The following MED12L variants were observed in gnomAD, a reference collection of about 807,000 sequenced individuals.
The protein encoded by MED12L is mediator complex subunit 12L, also known as mediator of RNA polymerase II transcription subunit 12-like protein.
In MED12L, 60 loss-of-function variants were observed where a neutral mutation model predicts 281.3. The observed-to-expected ratio is 0.21, with a 90% confidence interval of 0.17 to 0.26. The LOEUF is 0.26. Ranked by LOEUF, MED12L falls within the 10% of genes least tolerant of loss-of-function variation. The pLI, the probability that MED12L is intolerant of heterozygous loss-of-function variation, is 1.00. For synonymous variants in MED12L, 974 were observed against 987.2 expected, an observed-to-expected ratio of 0.99 and a Z score of 0.25; for missense variants, 2,146 against 2,680.9, an observed-to-expected ratio of 0.80 and a Z score of 4.41.
chr3:151,269,276 T>C (rs1740414292), intron 16 of MED12L, among the ~76,000 whole-genome samples: 2 of 152,096 alleles, frequency 1.3e-5, no homozygotes, highest in Admixed American at 6.5e-5. Flanking sequence ...GGTGCATGCC[T>C]GTAATCCCAG....
chr3:151,390,153 A>G lies in MED12L; in HGVS notation c.5608+18A>G, dbSNP rs1339322659. On this transcript the variant is annotated intron_variant, in intron 38 of 44. Transcript: ENST00000687756. ...TACTCCAGGTATGTGATGAGAAAGC[A>G]CAGATCACTCAGAGATGAGAAACAG... The G allele has an allele frequency of 6.2e-7, 1 of 1,613,248 alleles. No individual in the cohort carries two copies. The highest frequency in any genetic ancestry group is 1.7e-5 in the Admixed American group (1 of 60,016).
chr3:151,299,785 G>A (rs1262456911), intron 16 of MED12L, among the ~76,000 whole-genome samples: 2 of 152,032 alleles, frequency 1.3e-5, no homozygotes, highest in East Asian at 3.9e-4. Context: ...TTTAGTTTGT[G>A]TTTAAAATCT....
chr3:151,100,941 G>A (rs1002584731), intron 2 of MED12L, among the ~76,000 whole-genome samples: 3 of 152,140 alleles, frequency 2.0e-5, no homozygotes, highest in Non-Finnish European at 2.9e-5. Context: ...TAACTGTGGC[G>A]AAGGATCAGT....
chr3:151,123,826 C>T (rs916441500), intron 4 of MED12L, among the ~76,000 whole-genome samples: 2 of 152,172 alleles, frequency 1.3e-5, no homozygotes. Flanking sequence ...TCCAAAGCAA[C>T]TCTTTGAAAA....
intron 2 of MED12L, among the ~76,000 whole-genome samples, chr3:151,094,062 TTA>T (rs1474354876): frequency 6.6e-6 from 1 of 152,174 alleles, no homozygotes; most frequent in African/African-American, 2.4e-5. Flanking sequence ...GTTGAACCAG[TTA>T]ATAGTGCCAC....
At chr3:151,227,832 T>G (rs1730839214) in intron 16 of MED12L, among the ~76,000 whole-genome samples, 1 of 152,224 alleles carries the variant, frequency 6.6e-6, no homozygotes, top group Admixed American at 6.5e-5. Context: ...ACTGTTTTTT[T>G]CGGTTTCAGT....
At chr3:151,273,414 T>TG (rs1741335742) in intron 16 of MED12L, among the ~76,000 whole-genome samples, 1 of 147,312 alleles carries the variant, frequency 6.8e-6, no homozygotes, top group South Asian at 2.1e-4. Context: ...TTTTTTTTTT[T>TG]TTTTTTTTAG....
chr3:151,159,611 A>G (rs1242499351), intron 7 of MED12L, among the ~76,000 whole-genome samples: 1 of 152,260 alleles, frequency 6.6e-6, no homozygotes, highest in Non-Finnish European at 1.5e-5. Flanking sequence ...GCTAAATAAA[A>G]TACATTATTC....
intron 16 of MED12L, chr3:151,294,083 T>C: frequency 4.7e-6 from 4 of 851,712 alleles, no homozygotes; most frequent in Non-Finnish European, 7.5e-6. Context: ...TTTGAATTCA[T>C]ATTTTTGATG....
chr3:151,354,446 G>T (rs1233278790), intron 17 of MED12L, among the ~76,000 whole-genome samples: 1 of 151,944 alleles, frequency 6.6e-6, no homozygotes, highest in Non-Finnish European at 1.5e-5. Context: ...ATTAAAAAAG[G>T]AATCATGTAA....
At chr3:151,416,853 G>T (rs1261368735) in intron 43 of MED12L, among the ~76,000 whole-genome samples, 1 of 152,146 alleles carries the variant, frequency 6.6e-6, no homozygotes, top group Non-Finnish European at 1.5e-5. Flanking sequence ...TTTTCATTCA[G>T]TTAGCACTTG....
chr3:151,380,078 A>G (rs1434250209), intron 31 of MED12L, 35 bp from the exon 32 acceptor site: 17 of 1,314,640 alleles, frequency 1.3e-5, no homozygotes, highest in Non-Finnish European at 1.8e-5. Flanking sequence ...CATTATTTCT[A>G]ACTAGATCTG....
At chr3:151,166,130 C>A (rs999273867) in intron 11 of MED12L, 148 bp downstream of exon 11, 5 of 609,342 alleles carry the variant, frequency 8.2e-6, no homozygotes, top group South Asian at 2.8e-5. Flanking sequence ...TATTGTTGGA[C>A]TAAGATTACC....
At chr3:151,175,454 G>T (rs1244880614) in intron 11 of MED12L, among the ~76,000 whole-genome samples, 1 of 152,078 alleles carries the variant, frequency 6.6e-6, no homozygotes, top group African/African-American at 2.4e-5. Flanking sequence ...GTTAGCTGTT[G>T]CTGATAGTAA....
rs1247880179 is a variant in MED12L at position 151,219,478 on chromosome 3, G to A, written c.2250+25812G>A. 12 of 152,218 alleles carry A rather than the reference G, an allele frequency of 7.9e-5. No individual in the cohort carries two copies. The South Asian group carries it at 2.5e-3, about 32-fold the overall frequency. 9.4% of individuals were successfully genotyped at this position (152,218 alleles called of 1,614,324 possible). A position where few individuals can be genotyped will look rare whatever the true frequency, so the allele number is the denominator to read the frequency against. On this transcript the variant is annotated intron_variant, in intron 16 of 44. Transcript: ENST00000687756. ...TGAAGAAAAGAATTTTTTCTTCATAGCACTTCGATGAAATTAACAAAGCTC... is the reference window on the plus strand; with the variant it reads ...TGAAGAAAAGAATTTTTTCTTCATAACACTTCGATGAAATTAACAAAGCTC...
intron 16 of MED12L, among the ~76,000 whole-genome samples, chr3:151,251,745 A>G (rs1736897731): frequency 6.6e-6 from 1 of 152,186 alleles, no homozygotes; most frequent in Non-Finnish European, 1.5e-5. Context: ...TGCCTAGAAC[A>G]GCTCTCTGGA....
Position 151,313,721 on chromosome 3 carries a change from A to G in MED12L, c.2251-36338A>G, listed in dbSNP as rs554621735. 3.9e-5 allele frequency among the ~76,000 whole-genome samples: 6 copies of G among 152,154 alleles called. No homozygotes were observed. In the South Asian group the frequency reaches 6.2e-4, roughly 16 times the overall value. ...TAGCTGGGCATGGTCGTGGGCGCCT[A>G]TAATCCCAGCCACTTAGGAGTCTGA... On this transcript the variant is annotated intron_variant, in intron 16 of 44. Coordinates refer to ENST00000687756, the MANE Select transcript of MED12L (RefSeq NM_001393769.1).
intron 16 of MED12L, among the ~76,000 whole-genome samples, chr3:151,260,593 C>T (rs147954587): frequency 2.6e-5 from 4 of 152,176 alleles, no homozygotes; most frequent in South Asian, 4.2e-4. Flanking sequence ...TCAAGTGATC[C>T]TCCTGCCACA....
At chr3:151,336,873 T>C (rs1326912932) in intron 16 of MED12L, 1 of 193,092 alleles carries the variant, frequency 5.2e-6, no homozygotes, top group African/African-American at 2.4e-5. Flanking sequence ...AAATTTTGTA[T>C]TTTATACACA....
Sources: allele counts gnomAD v4.1 joint callset (sites outside exome capture counted in the v4.1 genomes callset), GRCh38; gene constraint gnomAD v4.1.1; transcripts MANE v1.5; gene names NCBI Gene and HGNC (gene_info 2026-07-23, HGNC 2026-07-21).